RERE: variants seen among roughly 807,000 people sequenced by gnomAD.
RERE encodes the protein arginine-glutamic acid dipeptide repeats, also known as arginine-glutamic acid dipeptide repeats protein.
RERE carries 40 observed loss-of-function variants against 146.1 expected under a neutral mutation model. The ratio of observed to expected loss-of-function variants is 0.27; its 90% confidence interval spans 0.21 to 0.36. The LOEUF (loss-of-function observed/expected upper bound fraction) is 0.36. Among genes scored for constraint, RERE ranks in the 10% least tolerant of loss-of-function variants. The pLI is 1.00. For missense variants in RERE, 1,933 were observed against 2,138.7 expected, an observed-to-expected ratio of 0.90 and a Z score of 1.90; for synonymous variants, 1,003 against 866.0, an observed-to-expected ratio of 1.16 and a Z score of -2.78.
At chr1:8,635,495 C>T (rs761035043) in intron 2 of RERE, among the ~76,000 whole-genome samples, 1 of 152,170 alleles carries the variant, frequency 6.6e-6, no homozygotes, top group Non-Finnish European at 1.5e-5. Flanking sequence ...TATATGAAAC[C>T]GTATTCACAA....
chr1:8,437,199 C>T (rs1644181639), intron 11 of RERE, among the ~76,000 whole-genome samples: 1 of 152,198 alleles, frequency 6.6e-6, no homozygotes, highest in Non-Finnish European at 1.5e-5. Context: ...CCAGGGCCTT[C>T]CGTCAGCTCC....
At chr1:8,497,640 T>C in intron 8 of RERE, 111 bp from the exon 9 acceptor site, 1 of 1,125,844 alleles carries the variant, frequency 8.9e-7, no homozygotes. Flanking sequence ...GACTCTTTCC[T>C]TGGACAGCAG....
chr1:8,397,558 C>T (rs550588756), intron 12 of RERE, among the ~76,000 whole-genome samples: 1 of 150,072 alleles, frequency 6.7e-6, no homozygotes, highest in Admixed American at 6.6e-5. Flanking sequence ...AGTTACCAAA[C>T]TCATGTTGAG....
Position 8,364,445 on chromosome 1 carries a change from C to G in RERE, c.1541-190G>C, listed in dbSNP as rs982064893. On this transcript the variant is annotated intron_variant, in intron 14 of 22. Transcript: ENST00000400908. This position sits in a 1 kb window ranked among gnomAD's most constrained non-coding sequence, Gnocchi z 5.1. Reference sequence around the variant, plus strand: ...GGCCAGGAGAGGGTTTCAGGGGCATCTGCTGCCCACTTCAACTTGGGGTGC... The same window carrying G: ...GGCCAGGAGAGGGTTTCAGGGGCATGTGCTGCCCACTTCAACTTGGGGTGC... Among the ~76,000 whole-genome samples, 2 of 152,116 alleles carry G rather than the reference C, an allele frequency of 1.3e-5. No individual in the cohort carries two copies. The highest frequency in any genetic ancestry group is 6.5e-5 in the Admixed American group (1 of 15,276).
chr1:8,423,769 AC>A lies in RERE; in HGVS notation c.1204-963del. On this transcript the variant is annotated intron_variant, in intron 11 of 22. Coordinates refer to ENST00000400908, the MANE Select transcript of RERE (RefSeq NM_001042681.2). This position sits in a 1 kb window ranked among gnomAD's most constrained non-coding sequence, Gnocchi z 5.4. ...GGGCGCGGGGCTGGGGCCGCCGCTG[AC>A]GGGGGAGGAGGCAGGAGCGCGGCGC... 3.6e-6 allele frequency: 3 copies of A among 824,876 alleles called. No homozygotes were observed. Among genetic ancestry groups the A allele is most frequent in the Non-Finnish European group, 4.4e-6 (3 of 687,274 alleles). 51.1% of individuals were successfully genotyped at this position (824,876 alleles called of 1,614,324 possible). A position where few individuals can be genotyped will look rare whatever the true frequency, so the allele number is the denominator to read the frequency against.
At chr1:8,710,393 C>G (rs571978438) in intron 1 of RERE, among the ~76,000 whole-genome samples, 5 of 152,194 alleles carry the variant, frequency 3.3e-5, no homozygotes, top group Non-Finnish European at 5.9e-5. Context: ...ACAGACTGGC[C>G]TTTAGTAAAA....
In RERE at chr1:8,630,696, G is replaced by A. The variant is rs533206286; in HGVS notation, c.326-6316C>T. On this transcript the variant is annotated intron_variant, in intron 2 of 22. Coordinates refer to ENST00000400908, the MANE Select transcript of RERE (RefSeq NM_001042681.2). ...GATCCAGCCACTGTACTCCAATCTA[G>A]GTGACAGAGTGAGACCCTGTCACTC... is the stretch of plus-strand genomic sequence containing the variant. Among the ~76,000 whole-genome samples, 20 of 152,174 alleles carry A rather than the reference G, an allele frequency of 1.3e-4. No individual in the cohort carries two copies. The South Asian group carries it at 3.5e-3, about 27-fold the overall frequency.
intron 11 of RERE, among the ~76,000 whole-genome samples, chr1:8,427,169 C>T (rs952268212): frequency 2.0e-5 from 3 of 152,128 alleles, no homozygotes; most frequent in Non-Finnish European, 2.9e-5. Flanking sequence ...TGAAACCAAC[C>T]ATGAGATGCT....
chr1:8,386,016 ATATATATTTTTTTTT>A (rs1282711348), intron 12 of RERE, among the ~76,000 whole-genome samples: 35 of 44,242 alleles, frequency 7.9e-4, no homozygotes, highest in African/African-American at 3.1e-3. Flanking sequence ...ATATATATAT[ATATATATTTTTTTTT>A]TTTTTTTTTT....
intron 2 of RERE, among the ~76,000 whole-genome samples, chr1:8,650,454 A>T (rs1190084386): frequency 6.6e-6 from 1 of 152,224 alleles, no homozygotes; most frequent in Non-Finnish European, 1.5e-5. Flanking sequence ...TATCCCATAG[A>T]AATAAATGAG....
intron 1 of RERE, among the ~76,000 whole-genome samples, chr1:8,712,509 C>G (rs566331486): frequency 6.6e-6 from 1 of 152,316 alleles, no homozygotes; most frequent in South Asian, 2.1e-4. Context: ...TAATGTAAAG[C>G]ATGTTCATTC....
intron 1 of RERE, among the ~76,000 whole-genome samples, chr1:8,692,737 C>T (rs1233690514): frequency 2.0e-5 from 3 of 152,066 alleles, no homozygotes; most frequent in African/African-American, 7.2e-5. Flanking sequence ...TTTTTCTAAA[C>T]ATTTTTGCCC....
At chr1:8,673,416 C>G (rs964248942) in intron 1 of RERE, among the ~76,000 whole-genome samples, 2 of 152,170 alleles carry the variant, frequency 1.3e-5, no homozygotes, top group Non-Finnish European at 2.9e-5. Context: ...TTTATTACAA[C>G]AAGCTCTCAA....
intron 12 of RERE, among the ~76,000 whole-genome samples, chr1:8,389,273 G>C (rs972187180): frequency 3.3e-5 from 5 of 152,296 alleles, no homozygotes; most frequent in African/African-American, 1.2e-4. Flanking sequence ...GAATATGTCT[G>C]TGAACTCATG....
chr1:8,487,764 C>T lies in RERE; in HGVS notation c.1104+7299G>A, dbSNP rs768245298. 1.0e-3 allele frequency among the ~76,000 whole-genome samples: 159 copies of T among 152,048 alleles called. 2 individuals carry two copies. Among genetic ancestry groups the T allele is most frequent in the Admixed American group, 9.2e-4 (14 of 15,270 alleles). ...AAAGGAAGAGGTAAAACTATATTTG[C>T]ACACGACATGTTTAGCAGGACCAAA... On this transcript the variant is annotated intron_variant, in intron 10 of 22. Transcript: ENST00000400908.
chr1:8,577,442 CG>C (rs1229777825), intron 4 of RERE, among the ~76,000 whole-genome samples: 2 of 151,998 alleles, frequency 1.3e-5, no homozygotes, highest in Non-Finnish European at 2.9e-5. Context: ...GAGAATAAAA[CG>C]GAACAGAAAC....
chr1:8,496,189 A>C (rs1399941231), intron 9 of RERE, among the ~76,000 whole-genome samples: 2 of 151,186 alleles, frequency 1.3e-5, no homozygotes, highest in Non-Finnish European at 2.9e-5. Context: ...CCAGAGATAA[A>C]ACCTCTTAGT....
chr1:8,468,728 T>G (rs1644639681), intron 10 of RERE, among the ~76,000 whole-genome samples: 1 of 151,822 alleles, frequency 6.6e-6, no homozygotes, highest in African/African-American at 2.4e-5. Flanking sequence ...TACTAAAAAT[T>G]TAAGAAATTA....
At chr1:8,509,199 G>A (rs1360465732) in intron 7 of RERE, among the ~76,000 whole-genome samples, 3 of 151,886 alleles carry the variant, frequency 2.0e-5, no homozygotes, top group Admixed American at 6.6e-5. Flanking sequence ...CGCCTGCCTC[G>A]GCTTCCCAAA....
Sources: allele counts gnomAD v4.1 joint callset (sites outside exome capture counted in the v4.1 genomes callset), GRCh38; gene constraint gnomAD v4.1.1; non-coding constraint Gnocchi (gnomAD v3.1); transcripts MANE v1.5; gene names NCBI Gene and HGNC (gene_info 2026-07-23, HGNC 2026-07-21).